The following ANKRD46 variants were observed in gnomAD, a reference collection of about 807,000 sequenced individuals.
ANKRD46 encodes ankyrin repeat domain-containing protein 46.
ANKRD46 carries 13 observed loss-of-function variants against 19.8 expected under a neutral mutation model. The observed-to-expected ratio is 0.66, with a 90% confidence interval of 0.43 to 1.04. The LOEUF is 1.04. Ranked by LOEUF, ANKRD46 falls within the 50% of genes least tolerant of loss-of-function variation. ANKRD46 has a pLI of 0.00. For missense variants in ANKRD46, 185 were observed against 274.8 expected (o/e 0.67, Z 2.31); for synonymous variants, 91 against 106.9 (o/e 0.85, Z 0.92).
Position 100,530,079 on chromosome 8 carries a change from T to C in ANKRD46, c.-27-219A>G, listed in dbSNP as rs181359763. ...TGGATTAAAATTCCAATTCAATTACTGTAAAGCTCTATTTTGCTTTTCACC... is the reference window on the plus strand; with the variant it reads ...TGGATTAAAATTCCAATTCAATTACCGTAAAGCTCTATTTTGCTTTTCACC... On this transcript the variant is annotated intron_variant, in intron 2 of 4. Transcript: ENST00000335659. 3.0e-4 allele frequency among the ~76,000 whole-genome samples: 46 copies of C among 152,362 alleles called. 1 individual carries two copies. The South Asian group carries it at 7.5e-3, about 25-fold the overall frequency.
At chr8:100,512,555 T>C (rs1248630689) in intron 5 of ANKRD46, among the ~76,000 whole-genome samples, 1 of 152,222 alleles carries the variant, frequency 6.6e-6, no homozygotes, top group African/African-American at 2.4e-5. Flanking sequence ...AGAACTCTTT[T>C]GTAATTAGGC....
chr8:100,529,750 G>A lies in ANKRD46; in HGVS notation c.84C>T (p.Ser28=). The A allele has an allele frequency of 6.2e-7, 1 of 1,614,224 alleles. No individual in the cohort carries two copies. The highest frequency in any genetic ancestry group is 8.5e-7 in the Non-Finnish European group (1 of 1,180,048). The change falls in exon 3 of 5, where the codon TCC becomes TCT. Residue 28 remains serine, a synonymous_variant. Coordinates refer to ENST00000335659, the MANE Select transcript of ANKRD46 (RefSeq NM_001270377.2). The surrounding 1 kb of genome is among the most constrained non-coding windows in gnomAD (Gnocchi z 5.8). ...CAAAGCCACTTTCCAAAAGCCGCTTGGAATAATTAAAGTCCCCATCAATAC... is the reference window on the plus strand; with the variant it reads ...CAAAGCCACTTTCCAAAAGCCGCTTAGAATAATTAAAGTCCCCATCAATAC... ...QACIDGDFNY[S]KRLLESGFDP... is the part of the protein sequence containing the mutation.
Position 100,557,785 on chromosome 8 carries a change from C to T in ANKRD46, c.-131+1926G>A, listed in dbSNP as rs1812530393. Among the ~76,000 whole-genome samples, 1 of 152,188 alleles carries T rather than the reference C, an allele frequency of 6.6e-6. No homozygotes were observed. Among genetic ancestry groups the T allele is most frequent in the South Asian group, 2.1e-4 (1 of 4,828 alleles). On this transcript the variant is annotated intron_variant, in intron 1 of 4. Coordinates refer to ENST00000335659, the MANE Select transcript of ANKRD46 (RefSeq NM_001270377.2). The surrounding 1 kb of genome is among the most constrained non-coding windows in gnomAD (Gnocchi z 5.9). ...GCTCTTTCCCTAGACAGCTGCATGG[C>T]GGTCCCCAACGCCTTCAGTTTTGCT...
intron 5 of ANKRD46, among the ~76,000 whole-genome samples, chr8:100,515,628 T>TAATATTTAG (rs1312095062): frequency 7.2e-6 from 1 of 139,858 alleles, no homozygotes; most frequent in African/African-American, 2.7e-5. Context: ...CTTGTAATTT[T>TAATATTTAG]AATATTTAGA....
In ANKRD46 at chr8:100,510,561, G is replaced by A. The variant is rs1390439211; in HGVS notation, c.*16C>T. The stretch of plus-strand genomic sequence containing the variant: ...TGCCTTCTGAGGCTCAGGAGCACAG[G>A]ACACTGACCTAGAGATTAGATGGCC... On this transcript the variant is annotated 3_prime_UTR_variant, in exon 6 of 6. Transcript: ENST00000520552. This position sits in a 1 kb window ranked among gnomAD's most constrained non-coding sequence, Gnocchi z 4.9. The A allele has an allele frequency of 2.6e-6, 4 of 1,533,882 alleles. No individual in the cohort carries two copies. Among genetic ancestry groups the A allele is most frequent in the South Asian group, 1.2e-5 (1 of 83,920 alleles).
intron 3 of ANKRD46, among the ~76,000 whole-genome samples, chr8:100,528,534 T>C (rs1025719729): frequency 6.6e-6 from 1 of 150,660 alleles, no homozygotes. Flanking sequence ...TTTTTTTTTT[T>C]ACTTCCAGGG....
In ANKRD46 at chr8:100,529,460, G is replaced by A; in HGVS notation, c.311+63C>T. On this transcript the variant is annotated intron_variant, in intron 3 of 4. Coordinates refer to ENST00000335659, the MANE Select transcript of ANKRD46 (RefSeq NM_001270377.2). The surrounding 1 kb of genome is among the most constrained non-coding windows in gnomAD (Gnocchi z 5.8). ...AACAAAACCAACAGACCCAAGATAA[G>A]ATTATCAGTTGAGAGATTAATGGGA... 1 of 1,478,102 alleles carries A rather than the reference G, an allele frequency of 6.8e-7. No individual in the cohort carries two copies. Among genetic ancestry groups the A allele is most frequent in the Non-Finnish European group, 9.2e-7 (1 of 1,090,354 alleles). The allele number at this position is 1,478,102 out of a possible 1,614,324, so 91.6% of individuals were successfully genotyped here. A position where few individuals can be genotyped will look rare whatever the true frequency, so the allele number is the denominator to read the frequency against.
downstream of ANKRD46, among the ~76,000 whole-genome samples, chr8:100,518,604 C>A (rs1031175516): frequency 1.3e-5 from 2 of 152,190 alleles, no homozygotes; most frequent in Non-Finnish European, 2.9e-5. Context: ...GTAATCCCAG[C>A]ACTTTGGGAG....
rs908956420 is a variant in ANKRD46 at position 100,545,217 on chromosome 8, C to T, written c.-130-11906G>A. 4.6e-5 allele frequency among the ~76,000 whole-genome samples: 7 copies of T among 151,972 alleles called. No homozygotes were observed. The highest frequency in any genetic ancestry group is 9.7e-5 in the African/African-American group (4 of 41,342). On this transcript the variant is annotated intron_variant, in intron 1 of 4. Transcript: ENST00000335659. The surrounding 1 kb of genome is among the most constrained non-coding windows in gnomAD (Gnocchi z 4.7). ...ACGTGCACCTGTAGTCCCAGCTACT[C>T]GGGAGGCTGAGGTGGGAGGATAGTG...
intron 1 of ANKRD46, among the ~76,000 whole-genome samples, chr8:100,555,261 A>AT (rs915143759): frequency 4.6e-5 from 7 of 151,832 alleles, no homozygotes; most frequent in Non-Finnish European, 7.4e-5. Context: ...TTTTTAAAGG[A>AT]TAAAAAAAAA....
In ANKRD46 at chr8:100,510,881, G is replaced by A. The variant is rs991221612; in HGVS notation, c.637-242C>T. 7.9e-5 allele frequency among the ~76,000 whole-genome samples: 12 copies of A among 152,090 alleles called. No homozygotes were observed. The highest frequency in any genetic ancestry group is 1.3e-4 in the Non-Finnish European group (9 of 68,016). ...CAAGGACTGTGTTCAATGTCCTCTC[G>A]AGCTAATAATTAAGGTATTATTTAA... On this transcript the variant is annotated intron_variant, in intron 5 of 5. Coordinates refer to the ANKRD46 transcript ENST00000520552. The surrounding 1 kb of genome is among the most constrained non-coding windows in gnomAD (Gnocchi z 4.9).
downstream of ANKRD46, among the ~76,000 whole-genome samples, chr8:100,519,076 C>T (rs142469921): frequency 9.5e-4 from 145 of 152,258 alleles, 1 homozygote; most frequent in African/African-American, 3.3e-3. Context: ...ATGGTCCCTG[C>T]CCACTGATTG....
intron 1 of ANKRD46, among the ~76,000 whole-genome samples, chr8:100,547,076 A>C (rs1038293115): frequency 6.6e-6 from 1 of 152,104 alleles, no homozygotes; most frequent in East Asian, 1.9e-4. Context: ...TTGGACTTGG[A>C]CTTTAGGTTA....
chr8:100,558,232 T>C (rs1326336733), intron 1 of ANKRD46, among the ~76,000 whole-genome samples: 3 of 152,242 alleles, frequency 2.0e-5, no homozygotes, highest in Admixed American at 6.5e-5. Flanking sequence ...TTGTTTTCCA[T>C]AGTAACACAA....
At position 100,532,331 on chromosome 8, in the gene ANKRD46, T is replaced by C. The variant is rs1811981889; in HGVS notation, c.-28+878A>G. On this transcript the variant is annotated intron_variant, in intron 2 of 4. Coordinates refer to ENST00000335659, the MANE Select transcript of ANKRD46 (RefSeq NM_001270377.2). This position sits in a 1 kb window ranked among gnomAD's most constrained non-coding sequence, Gnocchi z 4.7. ...AAAATATTTTAAAATTAGCCAGGCATGGTGGCGCGCGCCTTTCGTCCCACC... is the reference window on the plus strand; with the variant it reads ...AAAATATTTTAAAATTAGCCAGGCACGGTGGCGCGCGCCTTTCGTCCCACC... The C allele has an allele frequency of 6.6e-6, 1 of 151,998 alleles. No homozygotes were observed. The highest frequency in any genetic ancestry group is 2.1e-4 in the South Asian group (1 of 4,812). 9.4% of individuals were successfully genotyped at this position (151,998 alleles called of 1,614,324 possible). A position where few individuals can be genotyped will look rare whatever the true frequency, so the allele number is the denominator to read the frequency against.
chr8:100,513,865 T>C (rs1811586301), intron 5 of ANKRD46, among the ~76,000 whole-genome samples: 1 of 152,216 alleles, frequency 6.6e-6, no homozygotes, highest in Admixed American at 6.5e-5. Context: ...TAACTAGGAC[T>C]ATCCAAAGTA....
In ANKRD46 at chr8:100,527,880, C is replaced by G; in HGVS notation, c.435G>C (p.Ser145=). The G allele has an allele frequency of 6.2e-7, 1 of 1,613,672 alleles. No individual in the cohort carries two copies. The highest frequency in any genetic ancestry group is 8.5e-7 in the Non-Finnish European group (1 of 1,179,874). ...CAGCTGTTTGCATGGTCTCCAGTTT[C>G]GAGTGGGTTCCTCTGTTAAATCCTT... The part of the protein sequence containing the change: ...EVKGFNRGTH[S]KLETMQTAES... The change falls in exon 4 of 5, where the codon TCG becomes TCC. Residue 145 remains serine (S), a synonymous_variant. Coordinates refer to ENST00000335659, the MANE Select transcript of ANKRD46 (RefSeq NM_001270377.2). This position sits in a 1 kb window ranked among gnomAD's most constrained non-coding sequence, Gnocchi z 4.0.
In ANKRD46 at chr8:100,536,534, C is replaced by T. The variant is rs542963343; in HGVS notation, c.-130-3223G>A. Reference sequence around the variant, plus strand: ...TCTGGGGAGACAGTCCTCAGCCATACGGAAGAAAGCTTGCATACAGCACTG... The same window carrying T: ...TCTGGGGAGACAGTCCTCAGCCATATGGAAGAAAGCTTGCATACAGCACTG... On this transcript the variant is annotated intron_variant, in intron 1 of 4. Transcript: ENST00000335659. The surrounding 1 kb of genome is among the most constrained non-coding windows in gnomAD (Gnocchi z 4.9). 1.3e-5 allele frequency among the ~76,000 whole-genome samples: 2 copies of T among 152,024 alleles called. No homozygotes were observed. The highest frequency in any genetic ancestry group is 2.4e-5 in the African/African-American group (1 of 41,398).
rs150871713 is a variant in ANKRD46, at chr8:100,533,604, G to A, written c.-130-293C>T. On this transcript the variant is annotated intron_variant, in intron 1 of 4. Coordinates refer to ENST00000335659, the MANE Select transcript of ANKRD46 (RefSeq NM_001270377.2). The stretch of plus-strand genomic sequence containing the variant: ...ATCACTAAAGAACAAATTGGGCTCC[G>A]AAAATTCACTCTCAGTCATTACTTG... Among the ~76,000 whole-genome samples the A allele has an allele frequency of 2.2e-4, 33 of 152,224 alleles. No individual in the cohort carries two copies. In the South Asian group the frequency reaches 6.8e-3, roughly 32 times the overall value.
Sources: allele counts gnomAD v4.1 joint callset (sites outside exome capture counted in the v4.1 genomes callset), GRCh38; gene constraint gnomAD v4.1.1; non-coding constraint Gnocchi (gnomAD v3.1); transcripts MANE v1.5; gene names NCBI Gene and HGNC (gene_info 2026-07-23, HGNC 2026-07-21).